RFX2: variants seen among roughly 807,000 people sequenced by gnomAD.
The protein encoded by RFX2 is DNA-binding protein RFX2.
A neutral mutation model predicts 87.8 loss-of-function variants in RFX2; 20 were observed. The observed-to-expected ratio is 0.23, with a 90% CI of 0.16 to 0.33. The LOEUF (loss-of-function observed/expected upper bound fraction) is 0.33. Ranked by LOEUF, RFX2 falls within the 10% of genes least tolerant of loss-of-function variation. The pLI, the probability that RFX2 is intolerant of heterozygous loss-of-function variation, is 1.00. For synonymous variants in RFX2, 397 were observed against 431.3 expected, an observed-to-expected ratio of 0.92 and a Z score of 0.98; for missense variants, 767 against 1,012.3, an observed-to-expected ratio of 0.76 and a Z score of 3.29.
At position 6,011,755 on chromosome 19, in the gene RFX2, G is replaced by A. The variant is rs2086662378; in HGVS notation, c.899+1231C>T. Among the ~76,000 whole-genome samples the A allele has an allele frequency of 6.6e-6, 1 of 152,240 alleles. No homozygotes were observed. The highest frequency in any genetic ancestry group is 6.5e-5 in the Admixed American group (1 of 15,286). Reference sequence around the variant, plus strand: ...GTCAGGAGTCAATGGGTTACGCAGAGCAGCTGGAATGGGTTTTTGAGCCAC... The same window carrying A: ...GTCAGGAGTCAATGGGTTACGCAGAACAGCTGGAATGGGTTTTTGAGCCAC... On this transcript the variant is annotated intron_variant, in intron 8 of 17. Coordinates refer to ENST00000303657, the MANE Select transcript of RFX2 (RefSeq NM_000635.4). This position sits in a 1 kb window ranked among gnomAD's most constrained non-coding sequence, Gnocchi z 4.8.
chr19:6,008,530 G>C (rs960977477), intron 9 of RFX2, among the ~76,000 whole-genome samples: 1 of 151,742 alleles, frequency 6.6e-6, no homozygotes, highest in East Asian at 1.9e-4. Context: ...GCGCCACGAT[G>C]CCAGCTAATT....
At chr19:6,033,625 A>AAG (rs1400907555) in intron 5 of RFX2, among the ~76,000 whole-genome samples, 1 of 151,698 alleles carries the variant, frequency 6.6e-6, no homozygotes, top group Non-Finnish European at 1.5e-5. Flanking sequence ...CAAAAAAAAA[A>AAG]AAAAAAAAAA....
At chr19:6,088,514 A>AT (rs111725429) in intron 1 of RFX2, among the ~76,000 whole-genome samples, 24,621 of 151,144 alleles carry the variant, frequency 0.16, 2,934 homozygotes, top group African/African-American at 0.34. Context: ...CCAGCCCAGC[A>AT]TTTTTTTTTA....
chr19:6,090,873 A>T (rs1177318354), intron 1 of RFX2, among the ~76,000 whole-genome samples: 2 of 152,258 alleles, frequency 1.3e-5, no homozygotes, highest in Non-Finnish European at 2.9e-5. Flanking sequence ...ATGTGGATGA[A>T]CTGCAAAACA....
At chr19:6,028,414 T>C (rs2086916710) in intron 5 of RFX2, among the ~76,000 whole-genome samples, 1 of 152,232 alleles carries the variant, frequency 6.6e-6, no homozygotes, top group Non-Finnish European at 1.5e-5. Flanking sequence ...AATAGCCTTT[T>C]CAGATAACTG....
chr19:6,086,566 T>C (rs1297610452), intron 1 of RFX2, among the ~76,000 whole-genome samples: 2 of 152,246 alleles, frequency 1.3e-5, no homozygotes, highest in Non-Finnish European at 2.9e-5. Flanking sequence ...GGAAATGTTA[T>C]GCATGGCATG....
At chr19:6,073,663 G>T (rs1386756466) in intron 1 of RFX2, 1 of 263,306 alleles carries the variant, frequency 3.8e-6, no homozygotes, top group African/African-American at 2.3e-5. Flanking sequence ...TGGAAAGAAG[G>T]AAGGCTGAAT....
chr19:6,006,953 G>A (rs1048572622), intron 12 of RFX2, 59 bp downstream of exon 12: 2 of 1,582,594 alleles, frequency 1.3e-6, no homozygotes, highest in Admixed American at 1.7e-5. Flanking sequence ...TGTAAGAAAG[G>A]ACAGAGGAGG....
intron 1 of RFX2, among the ~76,000 whole-genome samples, chr19:6,081,238 G>T (rs1193971512): frequency 6.6e-6 from 1 of 152,152 alleles, no homozygotes; most frequent in Non-Finnish European, 1.5e-5. Flanking sequence ...GCCGGGTATG[G>T]TGGCTCACCC....
At position 6,061,485 on chromosome 19, in the gene RFX2, A is replaced by G. The variant is rs953066453; in HGVS notation, c.-8-13981T>C. ...TTCACACTTACAAGTCTGGCTGATC[A>G]AGACCTTGTCACCTGAAGACTGTCC... On this transcript the variant is annotated intron_variant, in intron 1 of 17. Transcript: ENST00000303657. The surrounding 1 kb of genome is among the most constrained non-coding windows in gnomAD (Gnocchi z 5.2). 6.6e-6 allele frequency among the ~76,000 whole-genome samples: 1 copy of G among 152,226 alleles called. No individual in the cohort carries two copies. Among genetic ancestry groups the G allele is most frequent in the Non-Finnish European group, 1.5e-5 (1 of 68,040 alleles).
chr19:6,055,426 T>A lies in RFX2; in HGVS notation c.-8-7922A>T, dbSNP rs2087323701. On this transcript the variant is annotated intron_variant, in intron 1 of 17. Coordinates refer to ENST00000303657, the MANE Select transcript of RFX2 (RefSeq NM_000635.4). ...AGCATGTTCATAGCAGCTTTTTGTT[T>A]GTTGGTTTTTGTTTTTTGTTTTTGA... is the stretch of plus-strand genomic sequence containing the variant. 2.6e-5 allele frequency among the ~76,000 whole-genome samples: 4 copies of A among 152,190 alleles called. No homozygotes were observed. In the South Asian group the frequency reaches 8.3e-4, roughly 32 times the overall value.
In RFX2 at chr19:6,013,166, T is replaced by C; in HGVS notation, c.780-61A>G. On this transcript the variant is annotated intron_variant, in intron 7 of 17. Transcript: ENST00000303657. This position sits in a 1 kb window ranked among gnomAD's most constrained non-coding sequence, Gnocchi z 4.1. ...CAGATGTCCTGAACAACAAGACAGG[T>C]TGGGATTCTTTTTCTTTCTTTCTTC... The C allele has an allele frequency of 6.8e-7, 1 of 1,464,982 alleles. No homozygotes were observed. Among genetic ancestry groups the C allele is most frequent in the Admixed American group, 2.6e-5 (1 of 39,208 alleles). The allele number at this position is 1,464,982 out of a possible 1,614,324, so 90.7% of individuals were successfully genotyped here.
chr19:6,010,004 G>T lies in RFX2; in HGVS notation c.1015+132C>A. On this transcript the variant is annotated intron_variant, in intron 9 of 17. Coordinates refer to ENST00000303657, the MANE Select transcript of RFX2 (RefSeq NM_000635.4). This position sits in a 1 kb window ranked among gnomAD's most constrained non-coding sequence, Gnocchi z 5.0. ...AAGGTTTATCGAAAACTTTCTATTT[G>T]TCCGAAAAGGTGTCTCGTAAGAAAA... The T allele has an allele frequency of 1.9e-6, 1 of 518,338 alleles. No homozygotes were observed. Among genetic ancestry groups the T allele is most frequent in the Non-Finnish European group, 3.4e-6 (1 of 292,654 alleles). The allele number at this position is 518,338 out of a possible 1,614,324, so 32.1% of individuals were successfully genotyped here.
rs554418668 is a variant in RFX2 at position 6,004,917 on chromosome 19, G to A, written c.1403-619C>T. On this transcript the variant is annotated intron_variant, in intron 12 of 17. Transcript: ENST00000303657. The surrounding 1 kb of genome is among the most constrained non-coding windows in gnomAD (Gnocchi z 4.8). ...GCGGATCACCTGAGGTCCGGAGTTCGAGACCAGCCTGGCCAACATGGTGAA... is the reference window on the plus strand; with the variant it reads ...GCGGATCACCTGAGGTCCGGAGTTCAAGACCAGCCTGGCCAACATGGTGAA... 1.6e-4 allele frequency among the ~76,000 whole-genome samples: 25 copies of A among 152,058 alleles called. No homozygotes were observed. Among genetic ancestry groups the A allele is most frequent in the African/African-American group, 2.7e-4 (11 of 41,486 alleles).
intron 1 of RFX2, among the ~76,000 whole-genome samples, chr19:6,092,675 G>A (rs1394717599): frequency 6.6e-6 from 1 of 151,406 alleles, no homozygotes; most frequent in African/African-American, 2.4e-5. Context: ...CACGTGGACT[G>A]TAGGATAGGC....
At position 6,017,749 on chromosome 19, in the gene RFX2, T is replaced by C. The variant is rs376200297; in HGVS notation, c.598-1478A>G. Among the ~76,000 whole-genome samples, 12 of 151,960 alleles carry C rather than the reference T, an allele frequency of 7.9e-5. No homozygotes were observed. The highest frequency in any genetic ancestry group is 1.0e-4 in the Non-Finnish European group (7 of 67,990). ...GTCCTCAGCCCTCCCCCACCGGGCA[T>C]GTTGGGCTCCTGCACAGCCCTTGGC... On this transcript the variant is annotated intron_variant, in intron 6 of 17. Coordinates refer to ENST00000303657, the MANE Select transcript of RFX2 (RefSeq NM_000635.4). This position sits in a 1 kb window ranked among gnomAD's most constrained non-coding sequence, Gnocchi z 4.1.
chr19:6,066,860 C>A (rs2087520419), intron 1 of RFX2, among the ~76,000 whole-genome samples: 1 of 152,122 alleles, frequency 6.6e-6, no homozygotes, highest in South Asian at 2.1e-4. Flanking sequence ...GCTGGGCAAC[C>A]GGGAGAATAC....
rs80298924 is a variant in RFX2 at position 6,011,600 on chromosome 19, C to G, written c.900-1349G>C. Among the ~76,000 whole-genome samples, 669 of 152,366 alleles carry G rather than the reference C, an allele frequency of 4.4e-3. 7 individuals carry two copies. In the East Asian group the frequency reaches 0.071, roughly 16 times the overall value. On this transcript the variant is annotated intron_variant, in intron 8 of 17. Transcript: ENST00000303657. This position sits in a 1 kb window ranked among gnomAD's most constrained non-coding sequence, Gnocchi z 4.8. ...CACTGCCTGGAGCACAGGTTCACAG[C>G]TGTCTGCCAGGGGCCCAAATTGAAC...
At position 6,029,842 on chromosome 19, in the gene RFX2, G is replaced by A. The variant is rs566128052; in HGVS notation, c.523-3605C>T. Among the ~76,000 whole-genome samples the A allele has an allele frequency of 3.9e-5, 6 of 152,346 alleles. No homozygotes were observed. In the South Asian group the frequency reaches 1.2e-3, roughly 32 times the overall value. ...GAGTTGAAAGTATAATAGCTGGAAT[G>A]AAAACTTCACTAGGGGAGGTTCAAC... On this transcript the variant is annotated intron_variant, in intron 5 of 17. Transcript: ENST00000303657.
Sources: gnomAD v4.1 joint callset for allele counts (sites outside exome capture counted in the v4.1 genomes callset) on GRCh38, gnomAD v4.1.1 for gene constraint, Gnocchi (gnomAD v3.1) non-coding constraint, MANE v1.5 for transcripts, NCBI Gene and HGNC (gene_info 2026-07-23, HGNC 2026-07-21) for gene names.